The following TRPV3 variants were observed in gnomAD, a reference collection of about 807,000 sequenced individuals.
TRPV3 encodes the protein VRL-3.
TRPV3 carries 88 observed loss-of-function variants against 87.1 expected under a neutral mutation model. That is an observed-to-expected ratio of 1.01 (90% CI 0.85 to 1.21). The LOEUF is 1.21. Ranked by LOEUF, TRPV3 falls within the 50% of genes most tolerant of loss-of-function variation. The pLI, the probability that TRPV3 is intolerant of heterozygous loss-of-function variation, is 0.00. For synonymous variants in TRPV3, 438 were observed against 423.3 expected, an observed-to-expected ratio of 1.03 and a Z score of -0.43; for missense variants, 1,054 against 1,030.1, an observed-to-expected ratio of 1.02 and a Z score of -0.32.
chr17:3,526,979 G>C lies in TRPV3; in HGVS notation c.1504-52C>G, dbSNP rs533656447. 4 of 1,446,362 alleles carry C rather than the reference G, an allele frequency of 2.8e-6. No individual in the cohort carries two copies. The East Asian group carries it at 7.1e-5, about 26-fold the overall frequency. The allele number at this position is 1,446,362 out of a possible 1,614,324, so 89.6% of individuals were successfully genotyped here. A position where few individuals can be genotyped will look rare whatever the true frequency, so the allele number is the denominator to read the frequency against. Reference sequence around the variant, plus strand: ...GCACCCTCTTCATGGCCCTCAGCAGGGGAGCTGAGCAGAGGGTGCTTCCCC... The same window carrying C: ...GCACCCTCTTCATGGCCCTCAGCAGCGGAGCTGAGCAGAGGGTGCTTCCCC... On this transcript the variant is annotated intron_variant, in intron 11 of 17. Coordinates refer to ENST00000576742, the MANE Select transcript of TRPV3 (RefSeq NM_145068.4).
At chr17:3,527,823 T>G in intron 11 of TRPV3, 1 of 575,890 alleles carries the variant, frequency 1.7e-6, no homozygotes, top group Non-Finnish European at 3.1e-6. Flanking sequence ...GTTGGGCAGA[T>G]GGATAGAGAA....
At chr17:3,536,241 CG>C (rs910048639) in intron 6 of TRPV3, among the ~76,000 whole-genome samples, 3 of 152,120 alleles carry the variant, frequency 2.0e-5, no homozygotes, top group African/African-American at 7.2e-5. Flanking sequence ...ATGTAGGGCT[CG>C]GTGCATGGGT....
rs1210565076 is a variant in TRPV3, at chr17:3,528,032, A to G, written c.1496T>C (p.Val499Ala). Residue 499 changes from valine (V) to alanine (A), a missense_variant, in exon 11 of 18, where the codon GTG becomes GCG. Transcript: ENST00000576742. The surrounding 1 kb of genome is among the most constrained non-coding windows in gnomAD (Gnocchi z 4.2). ...GCCGGGTGGCCCACTTACCTCTTTC[A>G]CAGAGATGCACATGGCCCAGATGAG... ...FVLIWAMCISVKEGIAIFLLR... is the reference protein window; with the variant it reads ...FVLIWAMCISAKEGIAIFLLR... 6.2e-7 allele frequency: 1 copy of G among 1,613,460 alleles called. No individual in the cohort carries two copies. Among genetic ancestry groups the G allele is most frequent in the Admixed American group, 1.7e-5 (1 of 60,014 alleles).
At chr17:3,543,763 C>T (rs1215489114) in intron 4 of TRPV3, 135 bp from the exon 5 acceptor site, 2 of 1,188,280 alleles carry the variant, frequency 1.7e-6, no homozygotes, top group East Asian at 2.4e-5. Context: ...TGCCTGCAAA[C>T]TCCTGGGCTC....
At chr17:3,522,766 G>C (rs192989108) in intron 13 of TRPV3, among the ~76,000 whole-genome samples, 1 of 148,880 alleles carries the variant, frequency 6.7e-6, no homozygotes, top group Non-Finnish European at 1.5e-5. Flanking sequence ...GCAGTGAGCC[G>C]AGATTGCACT....
intron 14 of TRPV3, 151 bp downstream of exon 14, chr17:3,520,822 T>C (rs2074238563): frequency 2.4e-6 from 1 of 419,290 alleles, no homozygotes; most frequent in Admixed American, 4.2e-5. Flanking sequence ...TGTATATATA[T>C]AAAGGTAATG....
At chr17:3,529,902 A>G (rs2074333533) in intron 9 of TRPV3, 125 bp downstream of exon 9, 2 of 1,080,130 alleles carry the variant, frequency 1.9e-6, no homozygotes, top group Non-Finnish European at 2.6e-6. Flanking sequence ...GAGGCAACAG[A>G]GTGGGGTATG....
At chr17:3,522,839 C>A (rs77804554) in intron 13 of TRPV3, among the ~76,000 whole-genome samples, 22,857 of 146,560 alleles carry the variant, frequency 0.16, 2,560 homozygotes, top group East Asian at 0.56. Flanking sequence ...AAAAAAAAAG[C>A]AAAAATTATT....
At position 3,528,551 on chromosome 17, in the gene TRPV3, G is replaced by A. The variant is rs541349592; in HGVS notation, c.1401+286C>T. ...GCAGCCCTCACAGCAGAAACACCCA[G>A]CTAGTTCTATATTTACAGACAGAGA... On this transcript the variant is annotated intron_variant, in intron 10 of 17. Coordinates refer to ENST00000576742, the MANE Select transcript of TRPV3 (RefSeq NM_145068.4). This position sits in a 1 kb window ranked among gnomAD's most constrained non-coding sequence, Gnocchi z 4.2. Among the ~76,000 whole-genome samples the A allele has an allele frequency of 1.1e-3, 164 of 152,302 alleles. 1 individual carries two copies. Among genetic ancestry groups the A allele is most frequent in the African/African-American group, 3.5e-3 (144 of 41,568 alleles).
At position 3,524,170 on chromosome 17, in the gene TRPV3, C is replaced by T. The variant is rs762706350; in HGVS notation, c.1743+28G>A. On this transcript the variant is annotated intron_variant, in intron 13 of 17. Transcript: ENST00000576742. ...TGAAAAATGGCCATCCTCCGAGGGC[C>T]CTCCCGCCGGCGCAGCTCTCAACGC... 6 of 1,608,356 alleles carry T rather than the reference C, an allele frequency of 3.7e-6. No individual in the cohort carries two copies. The East Asian group carries it at 1.1e-4, about 30-fold the overall frequency.
chr17:3,513,821 G>A lies in TRPV3; in HGVS notation c.*96C>T, dbSNP rs1045890987. On this transcript the variant is annotated 3_prime_UTR_variant, in exon 18 of 18. Transcript: ENST00000576742. ...ACTCTGCTTCTAGGCCAGCAGAGCCGGACTCCACCATCCCTCAAAGCCTCT... is the reference window on the plus strand; with the variant it reads ...ACTCTGCTTCTAGGCCAGCAGAGCCAGACTCCACCATCCCTCAAAGCCTCT... 1.3e-5 allele frequency: 14 copies of A among 1,057,832 alleles called. No homozygotes were observed. Among genetic ancestry groups the A allele is most frequent in the African/African-American group, 4.8e-5 (3 of 62,802 alleles). The allele number at this position is 1,057,832 out of a possible 1,614,324, so 65.5% of individuals were successfully genotyped here. A position where few individuals can be genotyped will look rare whatever the true frequency, so the allele number is the denominator to read the frequency against.
At position 3,545,176 on chromosome 17, in the gene TRPV3, A is replaced by T; in HGVS notation, c.215T>A (p.Ile72Asn). ...PVFSKPMDSN[I>N]RQCISGNCDD... is the part of the protein sequence containing the mutation. ...TGGGGCCCGTACTCACCACTGCCGG[A>T]TGTTGGAATCCATGGGCTTGGAGAA... is the stretch of plus-strand genomic sequence containing the variant. The change falls in exon 3 of 18, where the codon ATC (isoleucine) becomes AAC (asparagine). Residue 72 changes from isoleucine to asparagine, a missense_variant. Physicochemically the swap from Ile to Asn is moderately radical, Grantham distance 149. Transcript: ENST00000576742. The T allele has an allele frequency of 6.2e-7, 1 of 1,613,634 alleles. No individual in the cohort carries two copies. The highest frequency in any genetic ancestry group is 8.5e-7 in the Non-Finnish European group (1 of 1,179,698).
rs2074144481 is a variant in TRPV3 at position 3,513,819 on chromosome 17, C to CCGGA, written c.*94_*97dup. 9.6e-7 allele frequency: 1 copy of CCGGA among 1,037,238 alleles called. No homozygotes were observed. The highest frequency in any genetic ancestry group is 2.0e-5 in the Admixed American group (1 of 50,452). The allele number at this position is 1,037,238 out of a possible 1,614,324, so 64.3% of individuals were successfully genotyped here. A position where few individuals can be genotyped will look rare whatever the true frequency, so the allele number is the denominator to read the frequency against. On this transcript the variant is annotated 3_prime_UTR_variant, in exon 18 of 18. Coordinates refer to ENST00000576742, the MANE Select transcript of TRPV3 (RefSeq NM_145068.4). ...GCACTCTGCTTCTAGGCCAGCAGAG[C>CCGGA]CGGACTCCACCATCCCTCAAAGCCT...
intron 16 of TRPV3, 40 bp from the exon 17 acceptor site, chr17:3,514,712 C>T (rs758697779): frequency 2.7e-6 from 4 of 1,477,306 alleles, no homozygotes; most frequent in South Asian, 1.1e-5. Context: ...TCACCAGTGC[C>T]TCACTGAGTA....
chr17:3,531,497 G>A (rs1027503513), intron 8 of TRPV3, among the ~76,000 whole-genome samples: 9 of 152,216 alleles, frequency 5.9e-5, no homozygotes, highest in African/African-American at 2.2e-4. Flanking sequence ...TGGAGGACAC[G>A]GAACAGAGGA....
In TRPV3 at chr17:3,528,172, C is replaced by T. The variant is rs1443044901; in HGVS notation, c.1402-46G>A. The T allele has an allele frequency of 2.7e-6, 4 of 1,497,842 alleles. No homozygotes were observed. The highest frequency in any genetic ancestry group is 3.7e-6 in the Non-Finnish European group (4 of 1,094,050). 92.8% of individuals were successfully genotyped at this position (1,497,842 alleles called of 1,614,324 possible). Reference sequence around the variant, plus strand: ...TGGTCAGTATAGGAAGCAAGGAGGACAGGGCTGGCACCAACTCTAGAGGGA... The same window carrying T: ...TGGTCAGTATAGGAAGCAAGGAGGATAGGGCTGGCACCAACTCTAGAGGGA... On this transcript the variant is annotated intron_variant, in intron 10 of 17. Transcript: ENST00000576742. The surrounding 1 kb of genome is among the most constrained non-coding windows in gnomAD (Gnocchi z 4.2).
intron 2 of TRPV3, among the ~76,000 whole-genome samples, 156 bp from the exon 3 acceptor site, chr17:3,545,427 C>T (rs536730209): frequency 6.6e-6 from 1 of 152,326 alleles, no homozygotes; most frequent in African/African-American, 2.4e-5. Context: ...CGGGAGCCCT[C>T]GGAGATGGAC....
Position 3,556,153 on chromosome 17 carries a change from G to A in TRPV3, c.-2-1301C>T, listed in dbSNP as rs1351331149. On this transcript the variant is annotated intron_variant, in intron 1 of 17. Coordinates refer to ENST00000576742, the MANE Select transcript of TRPV3 (RefSeq NM_145068.4). The surrounding 1 kb of genome is among the most constrained non-coding windows in gnomAD (Gnocchi z 4.2). Reference sequence around the variant, plus strand: ...GATTGTGCCACTGCACTCCAGCCTGGGCGACAGAGCGAGACTCCGTCTCAA... The same window carrying A: ...GATTGTGCCACTGCACTCCAGCCTGAGCGACAGAGCGAGACTCCGTCTCAA... Among the ~76,000 whole-genome samples the A allele has an allele frequency of 4.0e-5, 6 of 151,166 alleles. No individual in the cohort carries two copies. Among genetic ancestry groups the A allele is most frequent in the Admixed American group, 2.0e-4 (3 of 15,146 alleles).
intron 2 of TRPV3, among the ~76,000 whole-genome samples, chr17:3,547,726 C>T (rs781306098): frequency 3.4e-5 from 5 of 148,208 alleles, no homozygotes; most frequent in South Asian, 4.4e-4. Flanking sequence ...AGGGGGGCAG[C>T]GGAGGGGAGG....
Sources: gnomAD v4.1 joint callset for allele counts (sites outside exome capture counted in the v4.1 genomes callset) on GRCh38, gnomAD v4.1.1 for gene constraint, Gnocchi (gnomAD v3.1) non-coding constraint, MANE v1.5 for transcripts, NCBI Gene and HGNC (gene_info 2026-07-23, HGNC 2026-07-21) for gene names.